HS3ST3A1: variants seen among roughly 807,000 people sequenced by gnomAD.
HS3ST3A1 encodes heparan sulfate-glucosamine 3-sulfotransferase 3A1.
A neutral mutation model predicts 25.7 loss-of-function variants in HS3ST3A1; 19 were observed. That is an observed-to-expected ratio of 0.74 (90% CI 0.52 to 1.08). The LOEUF is 1.08. Ranked by LOEUF, HS3ST3A1 falls within the 50% of genes least tolerant of loss-of-function variation. The probability of loss-of-function intolerance (pLI) is 0.00; values close to 1 mark genes in which losing one functional copy is unlikely to be tolerated. For missense variants in HS3ST3A1, 459 were observed against 594.3 expected (o/e 0.77, Z 2.37); for synonymous variants, 226 against 278.6 (o/e 0.81, Z 1.88).
At chr17:13,600,505 C>T in intron 1 of HS3ST3A1, 26 bp downstream of exon 1, 1 of 1,564,450 alleles carries the variant, frequency 6.4e-7, no homozygotes, top group Non-Finnish European at 8.6e-7. Context: ...GATCCTTCAG[C>T]CCCAGCCCGG....
intron 1 of HS3ST3A1, among the ~76,000 whole-genome samples, chr17:13,587,547 T>C (rs1908308679): frequency 6.6e-6 from 1 of 152,216 alleles, no homozygotes; most frequent in Admixed American, 6.5e-5. Flanking sequence ...GATGAGTGAA[T>C]AACACGCTGT....
In HS3ST3A1 at chr17:13,563,548, A is replaced by G. The variant is rs182971726; in HGVS notation, c.599+36983T>C. On this transcript the variant is annotated intron_variant, in intron 1 of 1. Coordinates refer to ENST00000284110, the MANE Select transcript of HS3ST3A1 (RefSeq NM_006042.3). ...GCTACTAGTCTAAAGTGTTGACCCCAGTGTGGGGGGCAGAGAGGGAGCATG... is the reference window on the plus strand; with the variant it reads ...GCTACTAGTCTAAAGTGTTGACCCCGGTGTGGGGGGCAGAGAGGGAGCATG... Among the ~76,000 whole-genome samples the G allele has an allele frequency of 3.8e-3, 578 of 152,352 alleles. 3 individuals carry two copies. The highest frequency in any genetic ancestry group is 0.013 in the African/African-American group (536 of 41,568).
chr17:13,559,084 G>A (rs974059487), intron 1 of HS3ST3A1, among the ~76,000 whole-genome samples: 4 of 152,224 alleles, frequency 2.6e-5, no homozygotes, highest in African/African-American at 9.7e-5. Context: ...TGGGGAAATT[G>A]TAACAATTAT....
intron 1 of HS3ST3A1, among the ~76,000 whole-genome samples, chr17:13,558,061 G>A (rs1351844875): frequency 6.6e-6 from 1 of 152,160 alleles, no homozygotes; most frequent in African/African-American, 2.4e-5. Context: ...GGGAAAATAT[G>A]TATGACTCAG....
chr17:13,509,306 C>T (rs1905785228), intron 1 of HS3ST3A1, among the ~76,000 whole-genome samples: 1 of 151,896 alleles, frequency 6.6e-6, no homozygotes, highest in Non-Finnish European at 1.5e-5. Context: ...AACTTAACAC[C>T]CATGTAACCC....
intron 1 of HS3ST3A1, among the ~76,000 whole-genome samples, chr17:13,524,033 T>C (rs1906333630): frequency 6.6e-6 from 1 of 152,210 alleles, no homozygotes; most frequent in Non-Finnish European, 1.5e-5. Context: ...CTTACATACA[T>C]GGTCTTTAGC....
chr17:13,553,272 G>A (rs553505405), intron 1 of HS3ST3A1, among the ~76,000 whole-genome samples: 74 of 152,154 alleles, frequency 4.9e-4, no homozygotes, highest in Non-Finnish European at 8.5e-4. Context: ...GACAGGAAGC[G>A]CTGATGCCCC....
At chr17:13,498,441 T>C (rs1375516927) in intron 1 of HS3ST3A1, among the ~76,000 whole-genome samples, 1 of 152,206 alleles carries the variant, frequency 6.6e-6, no homozygotes, top group Non-Finnish European at 1.5e-5. Context: ...AGGCAGGTCA[T>C]ACAGATCGGA....
At chr17:13,512,770 A>T (rs1905920154) in intron 1 of HS3ST3A1, among the ~76,000 whole-genome samples, 2 of 152,268 alleles carry the variant, frequency 1.3e-5, no homozygotes, top group Middle Eastern at 3.4e-3. Flanking sequence ...TAAAAAAATA[A>T]ATTGTACTGC....
rs186687364 is a variant in HS3ST3A1, at chr17:13,494,999, A to G, written c.*1198T>C. Among the ~76,000 whole-genome samples, 15 of 152,340 alleles carry G rather than the reference A, an allele frequency of 9.8e-5. No individual in the cohort carries two copies. The highest frequency in any genetic ancestry group is 2.9e-4 in the African/African-American group (12 of 41,562). ...ATGAAAAATAAAAACATTTTAAACG[A>G]ACTGCTAATTAATTCTTTCAGAGTA... On this transcript the variant is annotated 3_prime_UTR_variant, in exon 2 of 2. Transcript: ENST00000284110.
At chr17:13,587,414 A>C (rs1271556174) in intron 1 of HS3ST3A1, among the ~76,000 whole-genome samples, 5 of 152,370 alleles carry the variant, frequency 3.3e-5, no homozygotes, top group Non-Finnish European at 7.3e-5. Context: ...ATATCGTGCC[A>C]CTGCACTCCA....
chr17:13,506,461 G>A (rs1905679235), intron 1 of HS3ST3A1, among the ~76,000 whole-genome samples: 1 of 152,100 alleles, frequency 6.6e-6, no homozygotes, highest in Non-Finnish European at 1.5e-5. Flanking sequence ...TCTGAAGTAA[G>A]GCTCCACCAA....
chr17:13,512,198 C>G (rs928426218), intron 1 of HS3ST3A1, among the ~76,000 whole-genome samples: 2 of 149,844 alleles, frequency 1.3e-5, no homozygotes, highest in Non-Finnish European at 3.0e-5. Context: ...ACTGGGGAGG[C>G]TGAGGCAGGA....
intron 1 of HS3ST3A1, among the ~76,000 whole-genome samples, chr17:13,598,985 G>A (rs1474734490): frequency 1.3e-5 from 2 of 152,136 alleles, no homozygotes; most frequent in Non-Finnish European, 2.9e-5. Context: ...ACAGTACGAG[G>A]CCGAATTCAA....
Position 13,599,635 on chromosome 17 carries a change from T to C in HS3ST3A1, c.599+896A>G, listed in dbSNP as rs554126684. On this transcript the variant is annotated intron_variant, in intron 1 of 1. Transcript: ENST00000284110. The stretch of plus-strand genomic sequence containing the variant: ...ATGGCAAACAAAATCCAGGCGACAC[T>C]AGCTTTATTAGAATCTGGCTGATTT... Among the ~76,000 whole-genome samples the C allele has an allele frequency of 5.9e-5, 9 of 152,306 alleles. No homozygotes were observed. In the South Asian group the frequency reaches 1.9e-3, roughly 32 times the overall value.
chr17:13,570,148 T>G (rs1192146016), intron 1 of HS3ST3A1, among the ~76,000 whole-genome samples: 1 of 151,440 alleles, frequency 6.6e-6, no homozygotes, highest in Admixed American at 6.6e-5. Flanking sequence ...ATTTGAGAGA[T>G]TCCAGCTGTT....
At chr17:13,561,564 T>C (rs1327206921) in intron 1 of HS3ST3A1, among the ~76,000 whole-genome samples, 1 of 152,094 alleles carries the variant, frequency 6.6e-6, no homozygotes, top group African/African-American at 2.4e-5. Flanking sequence ...CTGCTAATTT[T>C]TGTAATTTTA....
At chr17:13,549,290 C>T (rs556361347) in intron 1 of HS3ST3A1, among the ~76,000 whole-genome samples, 2 of 152,138 alleles carry the variant, frequency 1.3e-5, no homozygotes, top group South Asian at 4.1e-4. Flanking sequence ...AAACTGCAGA[C>T]ACATCTGAAC....
chr17:13,577,512 G>A (rs1194289964), intron 1 of HS3ST3A1, among the ~76,000 whole-genome samples: 1 of 152,166 alleles, frequency 6.6e-6, no homozygotes, highest in African/African-American at 2.4e-5. Flanking sequence ...GAGGAATAAT[G>A]AGAGCTTGAG....
Sources: gnomAD v4.1 joint callset for allele counts (sites outside exome capture counted in the v4.1 genomes callset) on GRCh38, gnomAD v4.1.1 for gene constraint, MANE v1.5 for transcripts, NCBI Gene and HGNC (gene_info 2026-07-23, HGNC 2026-07-21) for gene names.